The following LRRC7 variants were observed in gnomAD, a reference collection of about 807,000 sequenced individuals.
The protein encoded by LRRC7 is leucine-rich repeat-containing protein 7.
In LRRC7, 23 loss-of-function variants were observed where a neutral mutation model predicts 175.7. That is an observed-to-expected ratio of 0.13 (90% confidence interval 0.09 to 0.19). The LOEUF (loss-of-function observed/expected upper bound fraction) is 0.19. Among genes scored for constraint, LRRC7 ranks in the 10% least tolerant of loss-of-function variants. The pLI, the probability that LRRC7 is intolerant of heterozygous loss-of-function variation, is 1.00. For synonymous variants in LRRC7, 685 were observed against 680.9 expected, an observed-to-expected ratio of 1.01 and a Z score of -0.09; for missense variants, 1,354 against 1,904.7, an observed-to-expected ratio of 0.71 and a Z score of 5.38.
rs1164964721 is a variant in LRRC7, at chr1:69,838,315, C to T, written c.647+32C>T. ...GACTGTGTATTTTCTGAATTTTGAA[C>T]TGTGATTTTTTTCACTAGTAAGAGA... On this transcript the variant is annotated intron_variant, in intron 7 of 26. Transcript: ENST00000651989. The T allele has an allele frequency of 3.2e-6, 5 of 1,550,152 alleles. No individual in the cohort carries two copies. The Admixed American group carries it at 8.4e-5, about 26-fold the overall frequency.
intron 23 of LRRC7, among the ~76,000 whole-genome samples, chr1:70,056,767 T>G (rs1326016841): frequency 6.6e-6 from 1 of 152,126 alleles, no homozygotes; most frequent in African/African-American, 2.4e-5. Flanking sequence ...GTCTGATCAG[T>G]TGGCGTAGAG....
chr1:69,992,328 A>T (rs890961358), intron 10 of LRRC7, among the ~76,000 whole-genome samples: 30 of 152,246 alleles, frequency 2.0e-4, no homozygotes, highest in Admixed American at 3.9e-4. Flanking sequence ...TTAAAATTGT[A>T]GGAAAAGGCC....
intron 4 of LRRC7, among the ~76,000 whole-genome samples, chr1:69,811,205 CA>C: frequency 6.6e-6 from 1 of 152,216 alleles, no homozygotes; most frequent in Admixed American, 6.5e-5. Context: ...AAACGCAAAT[CA>C]AAACCACAGT....
At chr1:69,666,266 G>C (rs1450274368) in intron 1 of LRRC7, among the ~76,000 whole-genome samples, 2 of 152,070 alleles carry the variant, frequency 1.3e-5, no homozygotes, top group Admixed American at 1.3e-4. Context: ...ATTCATCAGT[G>C]ATACTGGCTG....
At chr1:70,048,425 G>T (rs1320649194) in intron 22 of LRRC7, among the ~76,000 whole-genome samples, 1 of 152,018 alleles carries the variant, frequency 6.6e-6, no homozygotes, top group Admixed American at 6.6e-5. Flanking sequence ...CATAACTCCT[G>T]CACTTAGCAT....
At chr1:69,877,554 AT>A (rs1180339473) in intron 7 of LRRC7, among the ~76,000 whole-genome samples, 1 of 152,154 alleles carries the variant, frequency 6.6e-6, no homozygotes, top group African/African-American at 2.4e-5. Flanking sequence ...ACAATTCAAT[AT>A]TTTTAATACA....
chr1:69,891,445 T>A (rs942517658), intron 7 of LRRC7, among the ~76,000 whole-genome samples: 2 of 152,144 alleles, frequency 1.3e-5, no homozygotes, highest in African/African-American at 2.4e-5. Context: ...ATATCACTGA[T>A]CATTGGCTGG....
chr1:69,755,642 A>G (rs915418626), intron 2 of LRRC7, among the ~76,000 whole-genome samples: 3 of 151,838 alleles, frequency 2.0e-5, no homozygotes, highest in Non-Finnish European at 4.4e-5. Context: ...ATATGAAAAT[A>G]GATTATACAC....
chr1:69,684,993 G>A (rs1660956593), intron 2 of LRRC7, among the ~76,000 whole-genome samples: 1 of 152,172 alleles, frequency 6.6e-6, no homozygotes, highest in Admixed American at 6.5e-5. Flanking sequence ...TTCACCCAGT[G>A]TCATAAAGAG....
At chr1:69,755,762 T>A (rs1056823580) in intron 2 of LRRC7, among the ~76,000 whole-genome samples, 1 of 151,920 alleles carries the variant, frequency 6.6e-6, no homozygotes, top group Non-Finnish European at 1.5e-5. Context: ...CATAGTAACA[T>A]GGCTATACCC....
At chr1:69,583,874 C>A (rs548590137) in intron 1 of LRRC7, among the ~76,000 whole-genome samples, 21 of 152,028 alleles carry the variant, frequency 1.4e-4, no homozygotes, top group Non-Finnish European at 2.9e-4. Flanking sequence ...TTTCATCACA[C>A]CAATTATCAG....
chr1:70,017,634 A>G (rs571859171), intron 14 of LRRC7, among the ~76,000 whole-genome samples: 1 of 152,184 alleles, frequency 6.6e-6, no homozygotes, highest in East Asian at 1.9e-4. Flanking sequence ...TGAATTGTTC[A>G]TATTTACAGT....
At chr1:69,714,648 G>A (rs929678803) in intron 2 of LRRC7, among the ~76,000 whole-genome samples, 2 of 152,134 alleles carry the variant, frequency 1.3e-5, no homozygotes, top group African/African-American at 4.8e-5. Flanking sequence ...TGTAGTGGGG[G>A]CCAGGATGGG....
intron 3 of LRRC7, among the ~76,000 whole-genome samples, chr1:69,764,668 G>A (rs1032426356): frequency 6.6e-6 from 1 of 151,672 alleles, no homozygotes. Flanking sequence ...TAAAACTCGG[G>A]AAGTAACAAC....
At chr1:69,762,654 G>A (rs1020834201) in intron 3 of LRRC7, among the ~76,000 whole-genome samples, 4 of 152,038 alleles carry the variant, frequency 2.6e-5, no homozygotes, top group Admixed American at 6.6e-5. Context: ...GTATTGTTTG[G>A]CTTAATGCAT....
intron 1 of LRRC7, among the ~76,000 whole-genome samples, chr1:69,652,378 A>G (rs1740884): frequency 1.3e-5 from 2 of 149,838 alleles, no homozygotes; most frequent in Non-Finnish European, 2.9e-5. Flanking sequence ...TTAAGAAACT[A>G]ATCTTATCTA....
At chr1:70,101,441 T>A (rs1251222262) in intron 25 of LRRC7, among the ~76,000 whole-genome samples, 1 of 152,228 alleles carries the variant, frequency 6.6e-6, no homozygotes, top group Non-Finnish European at 1.5e-5. Context: ...TATTTTGGTA[T>A]CTACATTTAC....
At chr1:69,718,113 G>GAAAGAA (rs139191410) in intron 2 of LRRC7, among the ~76,000 whole-genome samples, 11,281 of 75,230 alleles carry the variant, frequency 0.15, 680 homozygotes, top group South Asian at 0.2. Flanking sequence ...GAGAGAAAAA[G>GAAAGAA]AAAGAAAGAA....
intron 11 of LRRC7, among the ~76,000 whole-genome samples, chr1:70,001,429 C>T (rs1192949479): frequency 2.0e-5 from 3 of 152,170 alleles, no homozygotes; most frequent in East Asian, 1.9e-4. Flanking sequence ...TCACATACTT[C>T]GTTTTATTCT....
Sources: gnomAD v4.1 joint callset for allele counts (sites outside exome capture counted in the v4.1 genomes callset) on GRCh38, gnomAD v4.1.1 for gene constraint, MANE v1.5 for transcripts, NCBI Gene and HGNC (gene_info 2026-07-23, HGNC 2026-07-21) for gene names.